GLI3: variants seen among roughly 807,000 people sequenced by gnomAD.
The protein encoded by GLI3 is GLI family zinc finger 3, also known as transcription activator GLI3.
A neutral mutation model predicts 100.8 loss-of-function variants in GLI3; 20 were observed. That is an observed-to-expected ratio of 0.20 (90% CI 0.14 to 0.29). The LOEUF is 0.29. Ranked by LOEUF, GLI3 falls within the 10% of genes least tolerant of loss-of-function variation. GLI3 has a pLI of 1.00. For missense variants in GLI3, 2,040 were observed against 2,128.5 expected (o/e 0.96, Z 0.82); for synonymous variants, 938 against 860.5 (o/e 1.09, Z -1.58).
intron 3 of GLI3, among the ~76,000 whole-genome samples, chr7:42,091,555 C>G (rs899840022): frequency 4.6e-5 from 7 of 152,268 alleles, no homozygotes; most frequent in African/African-American, 1.7e-4. Context: ...TCGCCATCCA[C>G]CGGCCTGCTG....
At chr7:42,123,385 T>A (rs1244572116) in intron 3 of GLI3, among the ~76,000 whole-genome samples, 1 of 152,194 alleles carries the variant, frequency 6.6e-6, no homozygotes, top group Non-Finnish European at 1.5e-5. Context: ...GAGAGCAGTT[T>A]CATATTTAGT....
chr7:42,017,934 C>T (rs2128728377), intron 10 of GLI3, among the ~76,000 whole-genome samples: 1 of 152,248 alleles, frequency 6.6e-6, no homozygotes, highest in South Asian at 2.1e-4. Flanking sequence ...TTGGGGACAG[C>T]GTTTATTTTC....
intron 1 of GLI3, among the ~76,000 whole-genome samples, chr7:42,261,934 C>CTTCTT (rs1439142668): frequency 7.2e-6 from 1 of 138,618 alleles, no homozygotes; most frequent in Non-Finnish European, 1.6e-5. Flanking sequence ...CCTTTTCTTT[C>CTTCTT]TTCTTTTCTT....
In GLI3 at chr7:41,972,767, C is replaced by T. The variant is rs1787400092; in HGVS notation, c.1813-140G>A. On this transcript the variant is annotated intron_variant, in intron 12 of 14. Coordinates refer to ENST00000395925, the MANE Select transcript of GLI3 (RefSeq NM_000168.6). The surrounding 1 kb of genome is among the most constrained non-coding windows in gnomAD (Gnocchi z 4.4). The stretch of plus-strand genomic sequence containing the variant: ...AAGGCTTTGAGGTGTTCAGATACCT[C>T]TAGGAACTAATAGTTTAATAAGGCC... 1 of 713,890 alleles carries T rather than the reference C, an allele frequency of 1.4e-6. No homozygotes were observed. The allele number at this position is 713,890 out of a possible 1,614,324, so 44.2% of individuals were successfully genotyped here.
At chr7:41,988,435 C>A (rs1787889408) in intron 10 of GLI3, among the ~76,000 whole-genome samples, 1 of 126,444 alleles carries the variant, frequency 7.9e-6, no homozygotes, top group South Asian at 2.4e-4. Context: ...TGCACTCCAG[C>A]CTGGGCAATA....
intron 10 of GLI3, among the ~76,000 whole-genome samples, chr7:42,001,138 A>T (rs1261064243): frequency 6.7e-6 from 1 of 148,944 alleles, no homozygotes; most frequent in South Asian, 2.2e-4. Flanking sequence ...CCAGCTACGC[A>T]GGAGGCTGAG....
intron 4 of GLI3, among the ~76,000 whole-genome samples, chr7:42,070,409 G>C (rs898972244): frequency 1.3e-5 from 2 of 152,158 alleles, no homozygotes; most frequent in Non-Finnish European, 2.9e-5. Context: ...GCTCATCCAG[G>C]AAGTAGAAAC....
intron 2 of GLI3, among the ~76,000 whole-genome samples, chr7:42,164,816 C>T (rs1010818493): frequency 4.1e-5 from 6 of 147,990 alleles, no homozygotes; most frequent in Non-Finnish European, 4.5e-5. Context: ...GGCAACAGAG[C>T]GAGACTATGT....
chr7:42,037,611 C>A (rs997955075), intron 7 of GLI3, among the ~76,000 whole-genome samples: 2 of 152,086 alleles, frequency 1.3e-5, no homozygotes, highest in African/African-American at 2.4e-5. Context: ...GGAGAGATTG[C>A]ACTGAGAGAG....
chr7:42,089,985 T>C, intron 3 of GLI3, among the ~76,000 whole-genome samples: 1 of 152,306 alleles, frequency 6.6e-6, no homozygotes, highest in African/African-American at 2.4e-5. Flanking sequence ...GCCCATGCTG[T>C]ATGGTATAGC....
intron 2 of GLI3, among the ~76,000 whole-genome samples, chr7:42,210,380 G>A (rs1788248064): frequency 8.5e-6 from 1 of 118,282 alleles, no homozygotes; most frequent in Non-Finnish European, 1.6e-5. Flanking sequence ...ACAAAGTTAT[G>A]CTGGCGTTTA....
chr7:42,130,759 A>T (rs1005773330), intron 3 of GLI3, among the ~76,000 whole-genome samples: 1 of 152,232 alleles, frequency 6.6e-6, no homozygotes, highest in African/African-American at 2.4e-5. Context: ...ATGAATCTTC[A>T]GATTCAAATG....
intron 10 of GLI3, among the ~76,000 whole-genome samples, chr7:41,982,087 C>T (rs1787685063): frequency 6.6e-6 from 1 of 152,268 alleles, no homozygotes; most frequent in Non-Finnish European, 1.5e-5. Flanking sequence ...ATCCCTTAGA[C>T]CCGAGTCCCA....
Position 42,045,464 on chromosome 7 carries a change from C to G in GLI3, c.746G>C (p.Ser249Thr). Residue 249 changes from serine (S) to threonine (T), a missense_variant, in exon 6 of 15, where the codon AGC becomes ACC. Coordinates refer to ENST00000395925, the MANE Select transcript of GLI3 (RefSeq NM_000168.6). ...TGAGGGAATAATGTCTGCATAGGGG[C>G]TGCGCTGGCCAGTTAGCAGGGCCAT... ...HQMALLTGQRSPYADIIPSAA... is the reference protein window; with the variant it reads ...HQMALLTGQRTPYADIIPSAA... 1 of 1,613,992 alleles carries G rather than the reference C, an allele frequency of 6.2e-7. No individual in the cohort carries two copies. Among genetic ancestry groups the G allele is most frequent in the Non-Finnish European group, 8.5e-7 (1 of 1,179,850 alleles).
intron 1 of GLI3, among the ~76,000 whole-genome samples, chr7:42,253,240 C>T (rs894281376): frequency 6.6e-6 from 1 of 152,208 alleles, no homozygotes; most frequent in African/African-American, 2.4e-5. Context: ...CCCTGGTGCA[C>T]CTGGAATATG....
At chr7:42,054,913 T>A (rs1784420838) in intron 4 of GLI3, among the ~76,000 whole-genome samples, 1 of 151,794 alleles carries the variant, frequency 6.6e-6, no homozygotes, top group Admixed American at 6.6e-5. Context: ...GAGGATCACT[T>A]GAGCCTGGGA....
intron 9 of GLI3, among the ~76,000 whole-genome samples, chr7:42,024,130 T>A (rs1173404820): frequency 1.3e-5 from 2 of 152,178 alleles, no homozygotes; most frequent in Non-Finnish European, 2.9e-5. Flanking sequence ...GGAGACTGTG[T>A]GAGACACTTT....
At chr7:42,053,048 G>A (rs1011824156) in intron 4 of GLI3, among the ~76,000 whole-genome samples, 1 of 152,222 alleles carries the variant, frequency 6.6e-6, no homozygotes, top group Non-Finnish European at 1.5e-5. Flanking sequence ...GGGCTGGAGT[G>A]CAGTGGCGCA....
rs1247887768 is a variant in GLI3 at position 41,967,606 on chromosome 7, G to A, written c.2421C>T (p.Leu807=). ...TGATGTAGAACTCACCATTTCCTAT[G>A]AGAGGAGAGACCGCAGGGGCTTTAG... ...LPPKAPAVSP[L]IGNGTQSNNT... Residue 807 remains leucine (L), a synonymous_variant, in exon 14 of 15, where the codon CTC becomes CTT. Transcript: ENST00000395925. The A allele has an allele frequency of 5.0e-6, 8 of 1,611,386 alleles. No individual in the cohort carries two copies. Among genetic ancestry groups the A allele is most frequent in the Non-Finnish European group, 6.8e-6 (8 of 1,177,928 alleles).
Sources: allele counts gnomAD v4.1 joint callset (sites outside exome capture counted in the v4.1 genomes callset), GRCh38; gene constraint gnomAD v4.1.1; non-coding constraint Gnocchi (gnomAD v3.1); transcripts MANE v1.5; gene names NCBI Gene and HGNC (gene_info 2026-07-23, HGNC 2026-07-21).